CHSY3: variants seen among roughly 807,000 people sequenced by gnomAD.
The protein encoded by CHSY3 is N-acetylgalactosaminyl-proteoglycan 3-beta-glucuronosyltransferase 3.
Under a neutral mutation model 67.2 loss-of-function variants are expected in CHSY3, and 35 were observed. The ratio of observed to expected loss-of-function variants is 0.52; its 90% CI spans 0.40 to 0.69. The LOEUF is 0.69. Among genes scored for constraint, CHSY3 ranks in the 30% least tolerant of loss-of-function variants. The probability of loss-of-function intolerance (pLI) is 0.00; values close to 1 mark genes in which losing one functional copy is unlikely to be tolerated. For missense variants in CHSY3, 1,069 were observed against 1,138.5 expected (o/e 0.94, Z 0.88); for synonymous variants, 474 against 434.7 (o/e 1.09, Z -1.12).
intron 2 of CHSY3, among the ~76,000 whole-genome samples, chr5:130,125,468 C>T (rs1272464283): frequency 2.3e-5 from 3 of 130,238 alleles, no homozygotes; most frequent in African/African-American, 6.0e-5. Context: ...GACAGACAGA[C>T]AGATGGATTT....
chr5:130,174,631 A>G (rs1197490487), intron 2 of CHSY3, among the ~76,000 whole-genome samples: 2 of 152,184 alleles, frequency 1.3e-5, no homozygotes, highest in African/African-American at 2.4e-5. Flanking sequence ...TTCAACAACT[A>G]CAAAGATAAC....
chr5:129,953,200 A>G (rs543743203), intron 2 of CHSY3, among the ~76,000 whole-genome samples: 5 of 151,540 alleles, frequency 3.3e-5, no homozygotes, highest in African/African-American at 7.3e-5. Flanking sequence ...TTATTGTTCA[A>G]CTCCCACTAA....
At chr5:130,045,282 G>C (rs1280538335) in intron 2 of CHSY3, among the ~76,000 whole-genome samples, 1 of 152,152 alleles carries the variant, frequency 6.6e-6, no homozygotes, top group African/African-American at 2.4e-5. Context: ...TCACTAGGGA[G>C]AGCTAGTAAA....
intron 2 of CHSY3, among the ~76,000 whole-genome samples, chr5:130,061,211 G>A (rs1332726997): frequency 6.6e-6 from 1 of 152,118 alleles, no homozygotes. Flanking sequence ...TACAAAAATA[G>A]ATACTTTGAT....
chr5:130,013,449 C>T (rs1764125027), intron 2 of CHSY3, among the ~76,000 whole-genome samples: 1 of 152,220 alleles, frequency 6.6e-6, no homozygotes, highest in Non-Finnish European at 1.5e-5. Flanking sequence ...AAGCTTCTGC[C>T]TGGATATCCA....
At chr5:129,942,274 A>G (rs1761722642) in intron 2 of CHSY3, among the ~76,000 whole-genome samples, 2 of 152,176 alleles carry the variant, frequency 1.3e-5, no homozygotes, top group Admixed American at 1.3e-4. Flanking sequence ...ATGGACAAAA[A>G]ACAGTATATA....
intron 2 of CHSY3, among the ~76,000 whole-genome samples, chr5:129,946,229 T>A (rs931977683): frequency 6.6e-6 from 1 of 152,182 alleles, no homozygotes; most frequent in Non-Finnish European, 1.5e-5. Flanking sequence ...CTAGAAATTT[T>A]TATTTCTCAT....
intron 2 of CHSY3, among the ~76,000 whole-genome samples, chr5:130,070,707 A>G (rs1250995517): frequency 1.3e-5 from 2 of 152,124 alleles, no homozygotes; most frequent in African/African-American, 4.8e-5. Context: ...ATATAAAAAT[A>G]AATTCAACTT....
chr5:129,919,137 A>AAT (rs397938909), intron 2 of CHSY3, among the ~76,000 whole-genome samples: 139 of 150,348 alleles, frequency 9.2e-4, no homozygotes, highest in Non-Finnish European at 1.4e-3. Flanking sequence ...AAAAAAAAAA[A>AAT]TTTATTCTGC....
intron 2 of CHSY3, among the ~76,000 whole-genome samples, chr5:130,133,771 T>TAAA (rs758023976): frequency 1.5e-4 from 9 of 58,114 alleles, no homozygotes; most frequent in African/African-American, 5.3e-4. Flanking sequence ...GACTCCGTCT[T>TAAA]AAAAAAAAAA....
intron 2 of CHSY3, among the ~76,000 whole-genome samples, chr5:130,080,037 TAC>T (rs35994744): frequency 0.014 from 1,939 of 142,914 alleles, 20 homozygotes; most frequent in African/African-American, 0.033. Flanking sequence ...CACCTGAACA[TAC>T]ACACACACAC....
At chr5:129,977,474 G>A (rs1483085002) in intron 2 of CHSY3, among the ~76,000 whole-genome samples, 1 of 152,122 alleles carries the variant, frequency 6.6e-6, no homozygotes, top group African/African-American at 2.4e-5. Flanking sequence ...CATTACATAA[G>A]TTGAATATAT....
intron 2 of CHSY3, among the ~76,000 whole-genome samples, chr5:130,109,178 ATTC>A (rs1300616199): frequency 2.6e-5 from 4 of 151,830 alleles, no homozygotes; most frequent in Non-Finnish European, 4.4e-5. Context: ...CCGTTAATAT[ATTC>A]TTATGCAAAT....
chr5:129,933,904 T>C (rs971581192), intron 2 of CHSY3, among the ~76,000 whole-genome samples: 1 of 152,176 alleles, frequency 6.6e-6, no homozygotes, highest in Admixed American at 6.6e-5. Context: ...GAACACCAGC[T>C]GTTAACACTT....
At chr5:130,128,254 G>GTGTGTGTGTGCA (rs57161272) in intron 2 of CHSY3, among the ~76,000 whole-genome samples, 5 of 134,662 alleles carry the variant, frequency 3.7e-5, no homozygotes, top group East Asian at 3.6e-4. Context: ...GTGTGTGTGT[G>GTGTGTGTGTGCA]CGCTCACATG....
chr5:129,915,107 A>G (rs559321805), intron 2 of CHSY3, among the ~76,000 whole-genome samples: 1 of 152,312 alleles, frequency 6.6e-6, no homozygotes, highest in South Asian at 2.1e-4. Context: ...AGAGAAATAT[A>G]TTCTACTATA....
intron 2 of CHSY3, among the ~76,000 whole-genome samples, chr5:130,146,123 C>G (rs371975374): frequency 1.3e-5 from 2 of 151,964 alleles, no homozygotes; most frequent in Admixed American, 6.6e-5. Context: ...GAAATATAAT[C>G]AGTATGTTGA....
At chr5:129,956,314 GAGC>G (rs1762172072) in intron 2 of CHSY3, among the ~76,000 whole-genome samples, 1 of 151,962 alleles carries the variant, frequency 6.6e-6, no homozygotes. Context: ...CCGTGATGTT[GAGC>G]TTTTTTTCAT....
At chr5:129,970,383 G>A (rs903533810) in intron 2 of CHSY3, among the ~76,000 whole-genome samples, 2 of 148,076 alleles carry the variant, frequency 1.4e-5, no homozygotes, top group East Asian at 4.0e-4. Context: ...TAAATGGGGT[G>A]GACAGAGGAA....
Sources: allele counts gnomAD v4.1 joint callset (sites outside exome capture counted in the v4.1 genomes callset), GRCh38; gene constraint gnomAD v4.1.1; transcripts MANE v1.5; gene names NCBI Gene and HGNC (gene_info 2026-07-23, HGNC 2026-07-21).